The following LIPA variants were observed in gnomAD, a reference collection of about 807,000 sequenced individuals.
LIPA encodes lipase A, lysosomal acid type, also known as lysosomal acid lipase/cholesteryl ester hydrolase.
In LIPA, 26 loss-of-function variants were observed where a neutral mutation model predicts 40.6. The observed-to-expected ratio is 0.64, with a 90% confidence interval of 0.47 to 0.89. The LOEUF (loss-of-function observed/expected upper bound fraction) is 0.89, where lower values mean the gene tolerates loss of function less well. LIPA is among the 40% of genes least tolerant of loss of function. The probability of loss-of-function intolerance (pLI) is 0.00; values close to 1 mark genes in which losing one functional copy is unlikely to be tolerated. For missense variants in LIPA, 455 were observed against 479.6 expected, an observed-to-expected ratio of 0.95 and a Z score of 0.48; for synonymous variants, 188 against 168.4, an observed-to-expected ratio of 1.12 and a Z score of -0.90.
chr10:89,410,634 G>A (rs1256360246), intron 2 of LIPA, among the ~76,000 whole-genome samples: 2 of 152,234 alleles, frequency 1.3e-5, no homozygotes, highest in Non-Finnish European at 2.9e-5. Context: ...AAAGGAAAAA[G>A]CAATAAATGT....
chr10:89,271,938 C>A (rs927552737), intron 1 of LIPA, among the ~76,000 whole-genome samples: 2 of 151,920 alleles, frequency 1.3e-5, no homozygotes, highest in Non-Finnish European at 2.9e-5. Context: ...GATACATTGT[C>A]ACGCACCTGT....
chr10:89,227,055 C>A (rs942956204), intron 4 of LIPA, 51 bp from the exon 5 acceptor site: 3 of 1,083,100 alleles, frequency 2.8e-6, no homozygotes, highest in Non-Finnish European at 4.3e-6. Context: ...TAAAATAGAG[C>A]ACACACATAC....
At chr10:89,339,053 T>C (rs1237827605) in intron 1 of LIPA, 1 of 1,614,106 alleles carries the variant, frequency 6.2e-7, no homozygotes, top group South Asian at 1.1e-5. Flanking sequence ...CCATACAGTA[T>C]TGAGTATTCT....
upstream of LIPA, among the ~76,000 whole-genome samples, chr10:89,345,831 A>G (rs1467038888): frequency 6.6e-6 from 1 of 152,208 alleles, no homozygotes; most frequent in African/African-American, 2.4e-5. Flanking sequence ...GTTAAAATGC[A>G]TGTGATCAGA....
At chr10:89,332,758 A>G in intron 1 of LIPA, 1 of 957,684 alleles carries the variant, frequency 1.0e-6, no homozygotes, top group Middle Eastern at 2.2e-4. Context: ...TGCCTTACCA[A>G]TTCATGCATT....
intron 3 of LIPA, among the ~76,000 whole-genome samples, chr10:89,228,998 C>A (rs1427350059): frequency 6.6e-6 from 1 of 152,218 alleles, no homozygotes; most frequent in African/African-American, 2.4e-5. Context: ...CAATCACATT[C>A]CTTGGTATTT....
intron 3 of LIPA, among the ~76,000 whole-genome samples, chr10:89,229,260 T>C (rs968532038): frequency 7.2e-5 from 11 of 152,174 alleles, no homozygotes; most frequent in Admixed American, 6.5e-4. Context: ...CTGCATTCTA[T>C]ATGACATGCT....
chr10:89,244,721 T>C (rs371876737), intron 3 of LIPA, among the ~76,000 whole-genome samples: 7 of 152,266 alleles, frequency 4.6e-5, no homozygotes, highest in African/African-American at 1.7e-4. Context: ...GCAGTTTTGC[T>C]TGAGTTATAA....
chr10:89,320,744 G>C (rs907715139), intron 1 of LIPA, among the ~76,000 whole-genome samples: 1 of 152,190 alleles, frequency 6.6e-6, no homozygotes, highest in Non-Finnish European at 1.5e-5. Flanking sequence ...AACCAAAATA[G>C]AGCCTGCATT....
intron 2 of LIPA, chr10:89,385,243 C>G (rs1000335720): frequency 2.6e-5 from 4 of 153,258 alleles, no homozygotes; most frequent in Non-Finnish European, 4.4e-5. Flanking sequence ...AGACAACAGT[C>G]TTTCCCAATT....
chr10:89,388,523 C>T (rs1392010611), intron 2 of LIPA, among the ~76,000 whole-genome samples: 1 of 152,078 alleles, frequency 6.6e-6, no homozygotes, highest in Non-Finnish European at 1.5e-5. Context: ...AAACTGGCAT[C>T]ACTTAGAAAA....
At chr10:89,246,168 T>C (rs1427003709) in intron 2 of LIPA, among the ~76,000 whole-genome samples, 2 of 152,208 alleles carry the variant, frequency 1.3e-5, no homozygotes, top group Non-Finnish European at 2.9e-5. Context: ...ATAAAACACT[T>C]TCTTTGTTTT....
At chr10:89,323,776 A>T (rs1843583373) in intron 1 of LIPA, among the ~76,000 whole-genome samples, 2 of 152,338 alleles carry the variant, frequency 1.3e-5, no homozygotes, top group Admixed American at 1.3e-4. Flanking sequence ...TTGTTCAAAG[A>T]AATCAGAGAT....
Position 89,245,743 on chromosome 10 carries a change from C to T in LIPA, c.162G>A (p.Glu54=). 2 of 1,605,240 alleles carry T rather than the reference C, an allele frequency of 1.2e-6. No individual in the cohort carries two copies. The highest frequency in any genetic ancestry group is 1.7e-6 in the Non-Finnish European group (2 of 1,171,976). Residue 54 remains glutamate (E), a synonymous_variant, in exon 3 of 10, where the codon GAG becomes GAA. Transcript: ENST00000336233. ...GGCACAGAATATATCCATCTTCTGT[C>T]TCAACTAGGTATTCCTCACTAGGGA... ...WGFPSEEYLV[E]TEDGYILCLN...
chr10:89,223,850 C>A lies in LIPA; in HGVS notation c.676-20G>T. 1 of 1,613,256 alleles carries A rather than the reference C, an allele frequency of 6.2e-7. No individual in the cohort carries two copies. Among genetic ancestry groups the A allele is most frequent in the Non-Finnish European group, 8.5e-7 (1 of 1,179,346 alleles). The stretch of plus-strand genomic sequence containing the variant: ...TAAGTCCTACAAAATAAAAAGAAAC[C>A]CAAGAACATCTCAGCATTTCACTCT... On this transcript the variant is annotated intron_variant, in intron 6 of 9. Transcript: ENST00000336233.
intron 1 of LIPA, among the ~76,000 whole-genome samples, chr10:89,341,125 C>A (rs149745575): frequency 1.3e-5 from 2 of 152,244 alleles, no homozygotes; most frequent in African/African-American, 2.4e-5. Context: ...CACCCTCCCC[C>A]TGAAGGCAGC....
intron 5 of LIPA, among the ~76,000 whole-genome samples, chr10:89,225,965 C>CA (rs1842764779): frequency 6.6e-6 from 1 of 152,172 alleles, no homozygotes; most frequent in African/African-American, 2.4e-5. Flanking sequence ...CCCTAGCTCA[C>CA]AATCCATTAA....
At chr10:89,239,076 C>T (rs1042373455) in intron 3 of LIPA, among the ~76,000 whole-genome samples, 2 of 152,338 alleles carry the variant, frequency 1.3e-5, no homozygotes, top group Non-Finnish European at 2.9e-5. Flanking sequence ...ATGTGACAGG[C>T]ACCATGCTAA....
rs183274493 is a variant in LIPA at position 89,359,433 on chromosome 10, C to T, written c.61+53358G>A. ...GGTTCCTATTTTTGTTAACTGCATT[C>T]CTGGTCACGAAATCATGTTAATCCT... On this transcript the variant is annotated intron_variant, in intron 2 of 8. Transcript: ENST00000371837. Among the ~76,000 whole-genome samples, 9 of 152,306 alleles carry T rather than the reference C, an allele frequency of 5.9e-5. No homozygotes were observed. The East Asian group carries it at 1.7e-3, about 29-fold the overall frequency.
Sources: allele counts gnomAD v4.1 joint callset (sites outside exome capture counted in the v4.1 genomes callset), GRCh38; gene constraint gnomAD v4.1.1; transcripts MANE v1.5; gene names NCBI Gene and HGNC (gene_info 2026-07-23, HGNC 2026-07-21).